The following THSD4 variants were observed in gnomAD, a reference collection of about 807,000 sequenced individuals.
THSD4 encodes the protein thrombospondin type 1 domain containing 4, also known as thrombospondin type-1 domain-containing protein 4.
Under a neutral mutation model 119.0 loss-of-function variants are expected in THSD4, and 69 were observed. The ratio of observed to expected loss-of-function variants is 0.58; its 90% CI spans 0.48 to 0.71. The LOEUF is 0.71. THSD4 is among the 30% of genes least tolerant of loss of function. THSD4 has a pLI of 0.00. For missense variants in THSD4, 1,393 were observed against 1,391.1 expected (o/e 1.00, Z -0.02); for synonymous variants, 524 against 540.4 (o/e 0.97, Z 0.42).
At chr15:71,123,428 C>T (rs905842539) in intron 1 of THSD4, among the ~76,000 whole-genome samples, 8 of 152,280 alleles carry the variant, frequency 5.3e-5, no homozygotes, top group South Asian at 2.1e-4. Flanking sequence ...CTGTACATGC[C>T]GTAGGAATTA....
chr15:71,389,485 T>C (rs1334915052), intron 6 of THSD4, among the ~76,000 whole-genome samples: 1 of 150,552 alleles, frequency 6.6e-6, no homozygotes, highest in Non-Finnish European at 1.5e-5. Flanking sequence ...TTTTTAAGGC[T>C]GAATGATATT....
chr15:71,675,226 T>A (rs377660930), intron 8 of THSD4, among the ~76,000 whole-genome samples: 10 of 152,198 alleles, frequency 6.6e-5, no homozygotes, highest in South Asian at 2.1e-4. Context: ...GTGTTTGGAG[T>A]CCTTTCTTGC....
chr15:71,304,978 G>A (rs1021900948), intron 6 of THSD4, among the ~76,000 whole-genome samples: 21 of 152,114 alleles, frequency 1.4e-4, no homozygotes, highest in African/African-American at 4.8e-4. Flanking sequence ...ATAAACACAC[G>A]AGGCTTGTTT....
chr15:71,511,177 G>C (rs183814616), intron 7 of THSD4, among the ~76,000 whole-genome samples: 142 of 152,268 alleles, frequency 9.3e-4, no homozygotes, highest in Non-Finnish European at 1.1e-3. Context: ...AAAGAGGAAG[G>C]GGGAAGAGAG....
chr15:71,313,608 G>C (rs1377786873), intron 6 of THSD4, among the ~76,000 whole-genome samples: 2 of 152,094 alleles, frequency 1.3e-5, no homozygotes, highest in African/African-American at 4.8e-5. Context: ...TGTAAAATTA[G>C]TTTCAATATA....
intron 3 of THSD4, among the ~76,000 whole-genome samples, chr15:71,184,652 T>G (rs1269687926): frequency 6.6e-6 from 1 of 151,818 alleles, no homozygotes; most frequent in Non-Finnish European, 1.5e-5. Context: ...GCTGCAAAGC[T>G]GAACCCCAGT....
At chr15:71,509,903 A>G (rs1236573534) in intron 7 of THSD4, among the ~76,000 whole-genome samples, 1 of 152,172 alleles carries the variant, frequency 6.6e-6, no homozygotes, top group African/African-American at 2.4e-5. Flanking sequence ...GTAGTGTTTC[A>G]TTGGCTTTAA....
rs2048511488 is a variant in THSD4, at chr15:71,525,927, T to C, written c.1152+114104T>C. Among the ~76,000 whole-genome samples the C allele has an allele frequency of 2.6e-5, 4 of 152,222 alleles. No homozygotes were observed. In the South Asian group the frequency reaches 8.3e-4, roughly 32 times the overall value. On this transcript the variant is annotated intron_variant, in intron 7 of 17. Transcript: ENST00000261862. ...AAGGACAGGGAATGGGTCTCATTCATCCAGGAGCTTCTAACACCCGACACA... is the reference window on the plus strand; with the variant it reads ...AAGGACAGGGAATGGGTCTCATTCACCCAGGAGCTTCTAACACCCGACACA...
At chr15:71,212,877 C>A (rs945690308) in intron 3 of THSD4, among the ~76,000 whole-genome samples, 1 of 152,190 alleles carries the variant, frequency 6.6e-6, no homozygotes, top group Non-Finnish European at 1.5e-5. Context: ...TGTTAACTGG[C>A]GCTAGTGCTG....
intron 7 of THSD4, among the ~76,000 whole-genome samples, chr15:71,455,391 T>G (rs2047325273): frequency 1.3e-5 from 2 of 152,092 alleles, no homozygotes; most frequent in African/African-American, 4.8e-5. Context: ...GACTGTATAT[T>G]GATTTGGAGG....
At chr15:71,221,925 G>T (rs529324220) in intron 4 of THSD4, among the ~76,000 whole-genome samples, 9 of 150,674 alleles carry the variant, frequency 6.0e-5, no homozygotes, top group East Asian at 1.9e-4. Context: ...GTTTTTTTTT[G>T]ATAGTGCCCA....
At chr15:71,754,743 G>A (rs2053508693) in intron 14 of THSD4, among the ~76,000 whole-genome samples, 1 of 152,178 alleles carries the variant, frequency 6.6e-6, no homozygotes, top group Admixed American at 6.5e-5. Context: ...CAGATAAAAA[G>A]CATACCAATT....
chr15:71,411,712 G>A lies in THSD4; in HGVS notation c.1041G>A (p.Leu347=). The A allele has an allele frequency of 6.2e-7, 1 of 1,613,954 alleles. No homozygotes were observed. The highest frequency in any genetic ancestry group is 1.7e-4 in the Middle Eastern group (1 of 6,060). ...TAAAAGGCAATCGCAAATGTGAGTT[G>A]AACTGCCAGGCAATGGGCTACCGCT... ...AEVKGNRKCE[L]NCQAMGYRFY... Residue 347 remains leucine (L), a synonymous_variant, in exon 7 of 18, where the codon TTG becomes TTA. Transcript: ENST00000261862.
At chr15:71,542,156 C>A (rs1178436756) in intron 7 of THSD4, among the ~76,000 whole-genome samples, 1 of 152,092 alleles carries the variant, frequency 6.6e-6, no homozygotes, top group Non-Finnish European at 1.5e-5. Context: ...CAGAAAATCA[C>A]CATTAGAACA....
chr15:71,617,445 C>G (rs1435257574), intron 7 of THSD4, among the ~76,000 whole-genome samples: 1 of 151,814 alleles, frequency 6.6e-6, no homozygotes, highest in Admixed American at 6.6e-5. Context: ...TCTCAGTTTC[C>G]TCTAAGGATT....
chr15:71,148,872 C>T (rs1191406047), intron 2 of THSD4, among the ~76,000 whole-genome samples: 2 of 152,128 alleles, frequency 1.3e-5, no homozygotes, highest in African/African-American at 4.8e-5. Context: ...TGGTAAATGA[C>T]TTAGTCTCTC....
At chr15:71,394,266 CTTTT>C (rs58372446) in intron 6 of THSD4, among the ~76,000 whole-genome samples, 20,822 of 89,234 alleles carry the variant, frequency 0.23, 1,489 homozygotes, top group Middle Eastern at 0.34. Context: ...ACACATTTGT[CTTTT>C]TTTTTTTTTT....
chr15:71,553,273 A>G (rs2048960033), intron 7 of THSD4, among the ~76,000 whole-genome samples: 1 of 151,472 alleles, frequency 6.6e-6, no homozygotes, highest in Non-Finnish European at 1.5e-5. Flanking sequence ...GAACTTCCAG[A>G]ATACAGTACT....
At chr15:71,492,393 C>T (rs1460064811) in intron 7 of THSD4, among the ~76,000 whole-genome samples, 1 of 151,994 alleles carries the variant, frequency 6.6e-6, no homozygotes, top group Non-Finnish European at 1.5e-5. Flanking sequence ...GCCTCCCAAG[C>T]AGCTGGGACC....
Sources: gnomAD v4.1 joint callset for allele counts (sites outside exome capture counted in the v4.1 genomes callset) on GRCh38, gnomAD v4.1.1 for gene constraint, MANE v1.5 for transcripts, NCBI Gene and HGNC (gene_info 2026-07-23, HGNC 2026-07-21) for gene names.